RBFOX1: variants seen among roughly 807,000 people sequenced by gnomAD.
RBFOX1 encodes RNA binding protein fox-1 homolog 1.
RBFOX1 carries 8 observed loss-of-function variants against 57.7 expected under a neutral mutation model. That is an observed-to-expected ratio of 0.14 (90% CI 0.08 to 0.25). RBFOX1 has a LOEUF of 0.25. Ranked by LOEUF, RBFOX1 falls within the 10% of genes least tolerant of loss-of-function variation. The pLI is 1.00. For synonymous variants in RBFOX1, 326 were observed against 222.4 expected (o/e 1.47, Z -4.15); for missense variants, 611 against 548.5 (o/e 1.11, Z -1.14).
intron 2 of RBFOX1, among the ~76,000 whole-genome samples, chr16:6,548,396 C>T (rs1025864634): frequency 6.6e-6 from 1 of 152,080 alleles, no homozygotes; most frequent in African/African-American, 2.4e-5. Context: ...TATGTAGTGT[C>T]TCTTTGGGCT....
At chr16:5,421,562 G>T (rs2067327295) in intron 1 of RBFOX1, among the ~76,000 whole-genome samples, 1 of 152,098 alleles carries the variant, frequency 6.6e-6, no homozygotes, top group Admixed American at 6.5e-5. Context: ...CCTGCAGGGG[G>T]ACTCGAGTGA....
chr16:6,439,835 C>G (rs186489675), intron 2 of RBFOX1, among the ~76,000 whole-genome samples: 66 of 152,212 alleles, frequency 4.3e-4, no homozygotes, highest in Middle Eastern at 6.8e-3. Context: ...GCATCCGACC[C>G]AGGGATGCAG....
At chr16:7,054,860 G>A (rs2051567499) in intron 4 of RBFOX1, among the ~76,000 whole-genome samples, 1 of 152,104 alleles carries the variant, frequency 6.6e-6, no homozygotes, top group Non-Finnish European at 1.5e-5. Flanking sequence ...GGATATAAGT[G>A]GATAGTTGTC....
At chr16:6,419,256 A>G (rs72760921) in intron 2 of RBFOX1, among the ~76,000 whole-genome samples, 2,636 of 152,224 alleles carry the variant, frequency 0.017, 40 homozygotes, top group Non-Finnish European at 0.024. Flanking sequence ...CTGTCCAGGT[A>G]TATGCTGTGG....
intron 3 of RBFOX1, among the ~76,000 whole-genome samples, chr16:6,748,236 A>G (rs139684098): frequency 2.0e-5 from 3 of 152,116 alleles, no homozygotes; most frequent in Non-Finnish European, 4.4e-5. Context: ...TAAATTCCAG[A>G]AGTATACAGA....
At chr16:5,740,696 C>G (rs893506532) in intron 3 of RBFOX1, among the ~76,000 whole-genome samples, 1 of 152,170 alleles carries the variant, frequency 6.6e-6, no homozygotes, top group African/African-American at 2.4e-5. Flanking sequence ...TCCCATATCT[C>G]AGTATCATTC....
chr16:6,406,289 C>T (rs993011311), intron 2 of RBFOX1, among the ~76,000 whole-genome samples: 3 of 152,196 alleles, frequency 2.0e-5, no homozygotes, highest in South Asian at 2.1e-4. Flanking sequence ...GACTCATGAA[C>T]TTCCACCGCA....
chr16:7,244,048 C>G (rs1377859535), intron 4 of RBFOX1, among the ~76,000 whole-genome samples: 2 of 151,976 alleles, frequency 1.3e-5, no homozygotes, highest in South Asian at 4.2e-4. Flanking sequence ...TTTGTTTTCA[C>G]AGCAAGATTA....
intron 2 of RBFOX1, among the ~76,000 whole-genome samples, chr16:6,625,810 C>T (rs930500017): frequency 6.6e-6 from 1 of 152,170 alleles, no homozygotes; most frequent in Non-Finnish European, 1.5e-5. Flanking sequence ...TGATGATTAT[C>T]AGCTAATTTA....
intron 3 of RBFOX1, among the ~76,000 whole-genome samples, chr16:5,749,414 C>G (rs2053109202): frequency 6.6e-6 from 1 of 152,072 alleles, no homozygotes; most frequent in Admixed American, 6.6e-5. Context: ...TGTTGGCCTG[C>G]CATGCTAGGT....
At chr16:7,385,408 C>G (rs149979420) in intron 4 of RBFOX1, among the ~76,000 whole-genome samples, 1,794 of 152,146 alleles carry the variant, frequency 0.012, 20 homozygotes, top group South Asian at 0.025. Context: ...CTGGGAAAAC[C>G]CAGTGGAGGT....
chr16:5,377,431 A>C (rs751455615), intron 1 of RBFOX1, among the ~76,000 whole-genome samples: 13 of 151,328 alleles, frequency 8.6e-5, no homozygotes, highest in Non-Finnish European at 1.8e-4. Flanking sequence ...GTGTTTGAGC[A>C]GAGGGAACAG....
At chr16:6,409,247 C>G (rs891685469) in intron 2 of RBFOX1, among the ~76,000 whole-genome samples, 1 of 152,246 alleles carries the variant, frequency 6.6e-6, no homozygotes, top group South Asian at 2.1e-4. Context: ...AACCCCATCT[C>G]TACTAAAAAT....
chr16:5,670,809 T>G (rs2049993540), intron 3 of RBFOX1, among the ~76,000 whole-genome samples: 1 of 152,246 alleles, frequency 6.6e-6, no homozygotes, highest in African/African-American at 2.4e-5. Context: ...TAACTAAGTT[T>G]AATAAGTACT....
At chr16:5,920,671 C>G (rs1394126957) in intron 4 of RBFOX1, among the ~76,000 whole-genome samples, 3 of 152,094 alleles carry the variant, frequency 2.0e-5, no homozygotes, top group African/African-American at 7.2e-5. Context: ...GCGGGGAGAC[C>G]AGGAGCGTGC....
chr16:5,648,732 C>T (rs2049130253), intron 3 of RBFOX1, among the ~76,000 whole-genome samples: 1 of 152,050 alleles, frequency 6.6e-6, no homozygotes, highest in Non-Finnish European at 1.5e-5. Context: ...GTTAGTTTTC[C>T]TTGTGTCTAC....
intron 2 of RBFOX1, among the ~76,000 whole-genome samples, chr16:6,607,688 G>C (rs760445036): frequency 6.6e-6 from 1 of 151,574 alleles, no homozygotes; most frequent in Non-Finnish European, 1.5e-5. Context: ...TGCCTATGTG[G>C]GCATGTGAGT....
chr16:5,877,197 A>G (rs996889404), intron 4 of RBFOX1, among the ~76,000 whole-genome samples: 2 of 152,250 alleles, frequency 1.3e-5, no homozygotes, highest in African/African-American at 4.8e-5. Context: ...AGCAAACTAC[A>G]TACTGATTAG....
At chr16:7,316,987 A>AACACAC (rs1318937054) in intron 4 of RBFOX1, among the ~76,000 whole-genome samples, 1 of 45,858 alleles carries the variant, frequency 2.2e-5, no homozygotes, top group Non-Finnish European at 4.9e-5. Flanking sequence ...CACACACACA[A>AACACAC]ACACACACAC....
Sources: gnomAD v4.1 joint callset for allele counts (sites outside exome capture counted in the v4.1 genomes callset) on GRCh38, gnomAD v4.1.1 for gene constraint, MANE v1.5 for transcripts, NCBI Gene and HGNC (gene_info 2026-07-23, HGNC 2026-07-21) for gene names.